The following RARB variants were observed in gnomAD, a reference collection of about 807,000 sequenced individuals.
RARB encodes HBV-activated protein.
RARB carries 17 observed loss-of-function variants against 51.9 expected under a neutral mutation model. The observed-to-expected ratio is 0.33, with a 90% confidence interval of 0.22 to 0.49. The LOEUF is 0.49. RARB is among the 20% of genes least tolerant of loss of function. The pLI is 0.99. For missense variants in RARB, 369 were observed against 550.8 expected (o/e 0.67, Z 3.30); for synonymous variants, 215 against 195.4 (o/e 1.10, Z -0.84).
chr3:25,473,498 T>C (rs1695802256), intron 2 of RARB, among the ~76,000 whole-genome samples: 1 of 116,268 alleles, frequency 8.6e-6, no homozygotes. Flanking sequence ...GCAGCAGTTC[T>C]GTGGCTAGCA....
chr3:25,088,794 C>T (rs988157180), intron 3 of RARB, among the ~76,000 whole-genome samples: 9 of 152,064 alleles, frequency 5.9e-5, no homozygotes, highest in Admixed American at 2.0e-4. Context: ...ATTGAAAAGC[C>T]GCTCCCAGAG....
intron 5 of RARB, among the ~76,000 whole-genome samples, chr3:25,201,246 T>C (rs973070951): frequency 6.6e-6 from 1 of 152,194 alleles, no homozygotes; most frequent in Non-Finnish European, 1.5e-5. Context: ...GTTATTGCTG[T>C]ATAAGAATGC....
At chr3:25,565,016 C>T (rs1476144885) in intron 3 of RARB, among the ~76,000 whole-genome samples, 1 of 152,130 alleles carries the variant, frequency 6.6e-6, no homozygotes, top group Non-Finnish European at 1.5e-5. Flanking sequence ...CTCAATTTAC[C>T]CTCCCAATTC....
chr3:25,277,046 A>G (rs1282772570), intron 5 of RARB, among the ~76,000 whole-genome samples: 1 of 152,224 alleles, frequency 6.6e-6, no homozygotes, highest in Non-Finnish European at 1.5e-5. Flanking sequence ...AATGAGGAGT[A>G]TCTCTCTTCA....
At chr3:24,914,567 G>A (rs776848236) in intron 2 of RARB, among the ~76,000 whole-genome samples, 5 of 152,080 alleles carry the variant, frequency 3.3e-5, no homozygotes, top group Non-Finnish European at 5.9e-5. Context: ...CATGATACTC[G>A]TGTCCCTGAT....
At chr3:24,961,907 C>G (rs990976189) in intron 2 of RARB, among the ~76,000 whole-genome samples, 1 of 145,134 alleles carries the variant, frequency 6.9e-6, no homozygotes, top group African/African-American at 2.5e-5. Context: ...CCTTAGTGTT[C>G]CCTTTGGGTG....
intron 4 of RARB, among the ~76,000 whole-genome samples, chr3:25,145,433 C>G (rs556557123): frequency 1.8e-4 from 27 of 152,046 alleles, no homozygotes; most frequent in Non-Finnish European, 3.2e-4. Context: ...TGCCACATGT[C>G]TGGGAACTTT....
chr3:25,427,833 C>A (rs886344604), upstream of RARB, among the ~76,000 whole-genome samples: 4 of 152,062 alleles, frequency 2.6e-5, no homozygotes, highest in Non-Finnish European at 4.4e-5. Flanking sequence ...AGGAATTTAA[C>A]AGACAGAAAG....
At chr3:25,019,364 T>A (rs1697579229) in intron 2 of RARB, among the ~76,000 whole-genome samples, 1 of 152,154 alleles carries the variant, frequency 6.6e-6, no homozygotes, top group Non-Finnish European at 1.5e-5. Context: ...AGGTGTGATA[T>A]GATAGACAAA....
chr3:25,381,185 C>T (rs1397897200), intron 5 of RARB, among the ~76,000 whole-genome samples: 2 of 152,152 alleles, frequency 1.3e-5, no homozygotes, highest in African/African-American at 4.8e-5. Context: ...TAAAAATAAA[C>T]TTGACCAAGG....
chr3:25,496,735 G>A (rs1180793858), intron 2 of RARB, among the ~76,000 whole-genome samples: 1 of 152,216 alleles, frequency 6.6e-6, no homozygotes, highest in Non-Finnish European at 1.5e-5. Flanking sequence ...TGTATGCTTA[G>A]ATCAGTCAGA....
chr3:25,385,517 C>T (rs577804288), intron 5 of RARB, among the ~76,000 whole-genome samples: 14 of 152,116 alleles, frequency 9.2e-5, no homozygotes, highest in Admixed American at 5.2e-4. Context: ...AGTCGGAGGC[C>T]CCCAAATGAG....
chr3:25,001,884 T>A (rs1332885335), intron 2 of RARB, among the ~76,000 whole-genome samples: 1 of 151,984 alleles, frequency 6.6e-6, no homozygotes, highest in Non-Finnish European at 1.5e-5. Flanking sequence ...CTCAAGCAAT[T>A]CTCCCATTTC....
At chr3:25,038,583 G>C (rs1698050350) in intron 2 of RARB, among the ~76,000 whole-genome samples, 1 of 152,020 alleles carries the variant, frequency 6.6e-6, no homozygotes, top group Admixed American at 6.6e-5. Context: ...GTGGCAAATT[G>C]CCCTAAAAAT....
chr3:24,884,767 C>T (rs1257285505), intron 2 of RARB, among the ~76,000 whole-genome samples: 1 of 152,120 alleles, frequency 6.6e-6, no homozygotes, highest in African/African-American at 2.4e-5. Flanking sequence ...CTAATTAACT[C>T]TTTGTGTAGG....
At chr3:25,037,761 C>A (rs924388799) in intron 2 of RARB, among the ~76,000 whole-genome samples, 1 of 152,082 alleles carries the variant, frequency 6.6e-6, no homozygotes, top group Non-Finnish European at 1.5e-5. Context: ...AGAGCAAATT[C>A]CCTACACATT....
At chr3:25,043,034 C>T (rs533369386) in intron 2 of RARB, among the ~76,000 whole-genome samples, 3 of 152,272 alleles carry the variant, frequency 2.0e-5, no homozygotes, top group African/African-American at 7.2e-5. Flanking sequence ...TTGGATGTGC[C>T]TTCATGATGT....
At chr3:25,412,716 C>G (rs147380197) in intron 5 of RARB, among the ~76,000 whole-genome samples, 2 of 152,098 alleles carry the variant, frequency 1.3e-5, no homozygotes, top group Non-Finnish European at 2.9e-5. Context: ...GCACTCAGAT[C>G]GAGAAAAAGA....
intron 2 of RARB, among the ~76,000 whole-genome samples, chr3:25,027,616 G>GA (rs1553624795): frequency 0.018 from 1,481 of 83,810 alleles, 20 homozygotes; most frequent in African/African-American, 0.058. Flanking sequence ...TTATGGAAAG[G>GA]AAAAAAAAAC....
Sources: allele counts gnomAD v4.1 joint callset (sites outside exome capture counted in the v4.1 genomes callset), GRCh38; gene constraint gnomAD v4.1.1; transcripts MANE v1.5; gene names NCBI Gene and HGNC (gene_info 2026-07-23, HGNC 2026-07-21).